Variants in PAX5 observed in about 807,000 individuals in gnomAD.
PAX5 encodes paired box protein Pax-5.
PAX5 carries 9 observed loss-of-function variants against 43.7 expected under a neutral mutation model. That is an observed-to-expected ratio of 0.21 (90% confidence interval 0.12 to 0.36). The LOEUF (loss-of-function observed/expected upper bound fraction) is 0.36. PAX5 is among the 10% of genes least tolerant of loss of function. The pLI, the probability that PAX5 is intolerant of heterozygous loss-of-function variation, is 1.00. For missense variants in PAX5, 383 were observed against 532.7 expected (o/e 0.72, Z 2.77); for synonymous variants, 228 against 214.3 (o/e 1.06, Z -0.56).
chr9:37,024,684 A>G (rs975252544), intron 1 of PAX5, among the ~76,000 whole-genome samples: 18 of 152,202 alleles, frequency 1.2e-4, no homozygotes, highest in African/African-American at 4.3e-4. Context: ...GGGAGGGAGC[A>G]CTTCCCACGG....
chr9:36,923,084 A>T, intron 7 of PAX5: 1 of 397,388 alleles, frequency 2.5e-6, no homozygotes, highest in East Asian at 3.7e-5. Context: ...CCCCTCTGGC[A>T]TGAGGTTTCC....
At chr9:37,002,869 G>C in intron 4 of PAX5, 93 bp from the exon 5 acceptor site, 1 of 1,410,502 alleles carries the variant, frequency 7.1e-7, no homozygotes, top group Admixed American at 2.2e-5. Flanking sequence ...GGCTGGGAGG[G>C]AGCGAGCGCA....
intron 9 of PAX5, among the ~76,000 whole-genome samples, chr9:36,845,218 C>G (rs958300362): frequency 2.9e-4 from 44 of 152,280 alleles, no homozygotes; most frequent in African/African-American, 9.9e-4. Flanking sequence ...CCCAGCAGGA[C>G]TGGGATCAGG....
At chr9:37,017,501 A>G (rs1476456109) in intron 2 of PAX5, among the ~76,000 whole-genome samples, 2 of 152,208 alleles carry the variant, frequency 1.3e-5, no homozygotes, top group Non-Finnish European at 2.9e-5. Context: ...TTTCACATGC[A>G]TTTTTCATTC....
Position 36,966,684 on chromosome 9 carries a change from C to A in PAX5, c.645G>T (p.Pro215=), listed in dbSNP as rs145912840. 3.7e-6 allele frequency: 6 copies of A among 1,614,156 alleles called. No individual in the cohort carries two copies. The highest frequency in any genetic ancestry group is 1.1e-5 in the South Asian group (1 of 91,080). Residue 215 remains proline (P), a synonymous_variant, in exon 6 of 10, where the codon CCG becomes CCT. Coordinates refer to ENST00000358127, the MANE Select transcript of PAX5 (RefSeq NM_016734.3). ...ESPVPNGHSL[P]GRDFLRKQMR... ...TCTGCTTCCGGAGGAAGTCTCTGCC[C>A]GGAAGCGAGTGGCCGTTCGGCACCG... is the stretch of plus-strand genomic sequence containing the variant.
At chr9:36,935,005 A>T (rs1831425567) in intron 6 of PAX5, among the ~76,000 whole-genome samples, 1 of 152,210 alleles carries the variant, frequency 6.6e-6, no homozygotes, top group Non-Finnish European at 1.5e-5. Context: ...GCTTTTATTC[A>T]TCAGAGGTTG....
chr9:36,965,242 T>A (rs1249159653), intron 6 of PAX5, among the ~76,000 whole-genome samples: 2 of 152,270 alleles, frequency 1.3e-5, no homozygotes, highest in South Asian at 4.2e-4. Context: ...AATTCTTCTA[T>A]TGGGATTCTT....
chr9:37,022,953 T>A (rs1433501283), intron 1 of PAX5, among the ~76,000 whole-genome samples: 3 of 152,064 alleles, frequency 2.0e-5, no homozygotes, highest in Non-Finnish European at 4.4e-5. Context: ...AATAGAGCTC[T>A]TAGAGGGTGG....
At chr9:36,915,455 C>A (rs1197282159) in intron 7 of PAX5, among the ~76,000 whole-genome samples, 3 of 152,110 alleles carry the variant, frequency 2.0e-5, no homozygotes, top group Non-Finnish European at 4.4e-5. Flanking sequence ...CAGGTGAACA[C>A]GTTTTCATAT....
Position 37,015,199 on chromosome 9 carries a change from G to C in PAX5, c.213-5C>G. On this transcript the variant is annotated splice_polypyrimidine_tract_variant and splice_region_variant and intron_variant, in intron 2 of 9. Coordinates refer to ENST00000358127, the MANE Select transcript of PAX5 (RefSeq NM_016734.3). This position sits in a 1 kb window ranked among gnomAD's most constrained non-coding sequence, Gnocchi z 4.4. ...ATGCTTCCTGTCTCATAATACCTAGGACCCAAAGAGAAAGAAGCTTAGCCA... is the reference window on the plus strand; with the variant it reads ...ATGCTTCCTGTCTCATAATACCTAGCACCCAAAGAGAAAGAAGCTTAGCCA... 2 of 1,612,686 alleles carry C rather than the reference G, an allele frequency of 1.2e-6. No individual in the cohort carries two copies. The highest frequency in any genetic ancestry group is 1.7e-6 in the Non-Finnish European group (2 of 1,178,944).
intron 6 of PAX5, among the ~76,000 whole-genome samples, chr9:36,961,848 G>T (rs904859485): frequency 3.9e-5 from 6 of 152,044 alleles, no homozygotes; most frequent in Admixed American, 3.9e-4. Flanking sequence ...ACACACACTC[G>T]CCACCAGCAG....
At chr9:36,872,030 A>T (rs1455002661) in intron 8 of PAX5, among the ~76,000 whole-genome samples, 1 of 152,220 alleles carries the variant, frequency 6.6e-6, no homozygotes, top group South Asian at 2.1e-4. Flanking sequence ...GGAACAAATG[A>T]TGGTGATCTT....
chr9:36,943,499 A>C (rs1023314488), intron 6 of PAX5, among the ~76,000 whole-genome samples: 2 of 148,858 alleles, frequency 1.3e-5, no homozygotes, highest in Non-Finnish European at 3.0e-5. Flanking sequence ...TCCTAAAGAT[A>C]TTGCTGAGTA....
At chr9:36,994,972 C>T (rs10973160) in intron 5 of PAX5, among the ~76,000 whole-genome samples, 38,805 of 151,986 alleles carry the variant, frequency 0.26, 5,240 homozygotes, top group Non-Finnish European at 0.31. Context: ...TGACTCCTTC[C>T]TAGACAAAAA....
intron 5 of PAX5, among the ~76,000 whole-genome samples, chr9:36,988,970 T>C (rs969822749): frequency 1.3e-5 from 2 of 152,180 alleles, no homozygotes; most frequent in Non-Finnish European, 2.9e-5. Flanking sequence ...CTCACACTGC[T>C]AGTAAAAGGA....
chr9:36,975,097 G>C (rs1015116447), intron 5 of PAX5, among the ~76,000 whole-genome samples: 1 of 152,298 alleles, frequency 6.6e-6, no homozygotes. Context: ...ACGTTGCATG[G>C]GCCACCACTA....
chr9:36,897,275 G>A (rs779925362), intron 7 of PAX5, among the ~76,000 whole-genome samples: 16 of 152,158 alleles, frequency 1.1e-4, no homozygotes, highest in Non-Finnish European at 1.3e-4. Flanking sequence ...CGGCCTTCAC[G>A]CTGGCTGGAA....
At chr9:36,847,390 G>A (rs544158282) in intron 8 of PAX5, among the ~76,000 whole-genome samples, 1 of 152,220 alleles carries the variant, frequency 6.6e-6, no homozygotes, top group East Asian at 1.9e-4. Context: ...ACCTGCTGAT[G>A]AGTGGCTCTG....
At chr9:36,966,398 G>T in intron 6 of PAX5, 151 bp downstream of exon 6, 1 of 753,392 alleles carries the variant, frequency 1.3e-6, no homozygotes, top group Non-Finnish European at 2.1e-6. Context: ...TGTAGCGACT[G>T]CCCAAGTTTG....
Sources: allele counts gnomAD v4.1 joint callset (sites outside exome capture counted in the v4.1 genomes callset), GRCh38; gene constraint gnomAD v4.1.1; non-coding constraint Gnocchi (gnomAD v3.1); transcripts MANE v1.5; gene names NCBI Gene and HGNC (gene_info 2026-07-23, HGNC 2026-07-21).